The following SYNPR variants were observed in gnomAD, a reference collection of about 807,000 sequenced individuals.
SYNPR encodes the protein synaptoporin.
A neutral mutation model predicts 32.9 loss-of-function variants in SYNPR; 23 were observed. The observed-to-expected ratio is 0.70, with a 90% CI of 0.50 to 0.99. The LOEUF (loss-of-function observed/expected upper bound fraction) is 0.99. Ranked by LOEUF, SYNPR falls within the 50% of genes least tolerant of loss-of-function variation. The pLI is 0.00. For missense variants in SYNPR, 318 were observed against 349.3 expected (o/e 0.91, Z 0.71); for synonymous variants, 146 against 135.9 (o/e 1.07, Z -0.52).
chr3:63,532,179 C>T (rs1702124487), intron 3 of SYNPR, among the ~76,000 whole-genome samples: 1 of 152,178 alleles, frequency 6.6e-6, no homozygotes, highest in Non-Finnish European at 1.5e-5. Flanking sequence ...ATTAAACCAT[C>T]CTCTTTGAAA....
chr3:63,342,576 T>A (rs531580750), intron 2 of SYNPR, among the ~76,000 whole-genome samples: 1 of 152,332 alleles, frequency 6.6e-6, no homozygotes, highest in Admixed American at 6.5e-5. Context: ...TCTTTAATTT[T>A]TGTTCTTGTA....
chr3:63,411,818 A>G (rs915231979), intron 2 of SYNPR, among the ~76,000 whole-genome samples: 1 of 152,154 alleles, frequency 6.6e-6, no homozygotes, highest in African/African-American at 2.4e-5. Context: ...TTGAAGATCT[A>G]TTAAGGATTT....
At chr3:63,332,351 G>A (rs756875890) in intron 2 of SYNPR, among the ~76,000 whole-genome samples, 1 of 152,120 alleles carries the variant, frequency 6.6e-6, no homozygotes, top group Non-Finnish European at 1.5e-5. Context: ...CCCTTGCATG[G>A]CTTTGTACAG....
At chr3:63,455,013 T>C (rs1251490192) in intron 2 of SYNPR, among the ~76,000 whole-genome samples, 1 of 152,118 alleles carries the variant, frequency 6.6e-6, no homozygotes, top group East Asian at 1.9e-4. Flanking sequence ...GAATGGAAAG[T>C]TTAAACATTC....
intron 2 of SYNPR, among the ~76,000 whole-genome samples, chr3:63,344,595 G>A (rs1279644427): frequency 2.9e-5 from 4 of 140,268 alleles, no homozygotes; most frequent in Non-Finnish European, 6.0e-5. Flanking sequence ...AGTAGTTAGT[G>A]TGTAAGGGAA....
At chr3:63,492,448 G>A (rs1701272925) in intron 3 of SYNPR, among the ~76,000 whole-genome samples, 1 of 152,212 alleles carries the variant, frequency 6.6e-6, no homozygotes, top group Non-Finnish European at 1.5e-5. Flanking sequence ...GCTCCAGGGA[G>A]AACAGAGGGA....
intron 2 of SYNPR, among the ~76,000 whole-genome samples, chr3:63,340,377 C>T (rs115083775): frequency 8.8e-4 from 133 of 150,602 alleles, no homozygotes; most frequent in Non-Finnish European, 1.6e-3. Flanking sequence ...TGAACAGTCA[C>T]ACATTCACCA....
intron 2 of SYNPR, among the ~76,000 whole-genome samples, chr3:63,460,452 T>C (rs1233057963): frequency 6.6e-6 from 1 of 151,498 alleles, no homozygotes; most frequent in Non-Finnish European, 1.5e-5. Flanking sequence ...TCCATCAAAC[T>C]ATAACCTCCT....
In SYNPR at chr3:63,352,078, A is replaced by T. The variant is rs573110069; in HGVS notation, c.84+73336A>T. 1.2e-4 allele frequency among the ~76,000 whole-genome samples: 19 copies of T among 152,258 alleles called. No homozygotes were observed. In the South Asian group the frequency reaches 3.7e-3, roughly 30 times the overall value. On this transcript the variant is annotated intron_variant, in intron 2 of 5. Transcript: ENST00000478300. The stretch of plus-strand genomic sequence containing the variant: ...AGACCTTGGAGGGAGTGCCAGGCTG[A>T]GAGGACAGTAAGTCCAAAGGTCCTG...
chr3:63,490,003 A>T (rs1443637514), intron 3 of SYNPR, among the ~76,000 whole-genome samples: 1 of 152,166 alleles, frequency 6.6e-6, no homozygotes, highest in African/African-American at 2.4e-5. Flanking sequence ...GGTATCAGGT[A>T]ATGGTAAAAG....
At chr3:63,437,143 C>T (rs1050286574) in intron 2 of SYNPR, among the ~76,000 whole-genome samples, 3 of 147,818 alleles carry the variant, frequency 2.0e-5, no homozygotes, top group African/African-American at 4.9e-5. Flanking sequence ...TCCCAGAGTG[C>T]TGGGATTAGA....
intron 2 of SYNPR, among the ~76,000 whole-genome samples, chr3:63,318,929 A>C (rs2087074982): frequency 6.6e-6 from 1 of 151,880 alleles, no homozygotes; most frequent in South Asian, 2.1e-4. Context: ...TGTTGTTCAG[A>C]TTCTTTTGTC....
At chr3:63,410,294 T>C (rs1195903495) in intron 2 of SYNPR, among the ~76,000 whole-genome samples, 1 of 152,082 alleles carries the variant, frequency 6.6e-6, no homozygotes, top group Non-Finnish European at 1.5e-5. Flanking sequence ...AATGATGGAG[T>C]TGAGTTTCAA....
At chr3:63,229,795 TTA>T (rs762443051) in intron 1 of SYNPR, among the ~76,000 whole-genome samples, 4 of 151,198 alleles carry the variant, frequency 2.6e-5, no homozygotes, top group Non-Finnish European at 5.9e-5. Context: ...CTAAGAACTA[TTA>T]TGTTGGTTCA....
chr3:63,460,193 C>T (rs942093336), intron 2 of SYNPR, among the ~76,000 whole-genome samples: 1 of 152,070 alleles, frequency 6.6e-6, no homozygotes, highest in Non-Finnish European at 1.5e-5. Flanking sequence ...CTTAGCAGAT[C>T]CATAAAACCC....
At chr3:63,459,458 A>T (rs1220230317) in intron 2 of SYNPR, among the ~76,000 whole-genome samples, 1 of 152,100 alleles carries the variant, frequency 6.6e-6, no homozygotes, top group East Asian at 1.9e-4. Flanking sequence ...ATATTTTGCC[A>T]TGTGATTACG....
chr3:63,462,323 A>G (rs1700599017), intron 2 of SYNPR, among the ~76,000 whole-genome samples: 1 of 152,148 alleles, frequency 6.6e-6, no homozygotes, highest in East Asian at 1.9e-4. Flanking sequence ...TTATTTGCCT[A>G]TTCATTTCTT....
At chr3:63,339,372 T>C (rs1054131362) in intron 2 of SYNPR, among the ~76,000 whole-genome samples, 7 of 152,216 alleles carry the variant, frequency 4.6e-5, no homozygotes, top group South Asian at 2.1e-4. Flanking sequence ...TTTATTAAGA[T>C]AATTACAGAT....
At chr3:63,363,005 T>G (rs9869093) in intron 2 of SYNPR, among the ~76,000 whole-genome samples, 7,237 of 152,254 alleles carry the variant, frequency 0.048, 541 homozygotes, top group African/African-American at 0.16. Flanking sequence ...GAGACTGAAC[T>G]GTAGTAAGTA....
Sources: allele counts gnomAD v4.1 joint callset (sites outside exome capture counted in the v4.1 genomes callset), GRCh38; gene constraint gnomAD v4.1.1; transcripts MANE v1.5; gene names NCBI Gene and HGNC (gene_info 2026-07-23, HGNC 2026-07-21).